Variants in IGSF9 observed in about 807,000 individuals in gnomAD.
IGSF9 encodes protein turtle homolog A.
In IGSF9, 87 loss-of-function variants were observed where a neutral mutation model predicts 121.7. The ratio of observed to expected loss-of-function variants is 0.71; its 90% CI spans 0.60 to 0.85. The LOEUF is 0.85. IGSF9 is among the 40% of genes least tolerant of loss of function. The probability of loss-of-function intolerance (pLI) is 0.00; values close to 1 mark genes in which losing one functional copy is unlikely to be tolerated. For synonymous variants in IGSF9, 640 were observed against 648.4 expected (o/e 0.99, Z 0.20); for missense variants, 1,462 against 1,565.3 (o/e 0.93, Z 1.11).
chr1:159,929,132 C>T (rs1023335249), intron 18 of IGSF9, 114 bp from the exon 19 acceptor site: 8 of 1,410,568 alleles, frequency 5.7e-6, no homozygotes, highest in African/African-American at 4.3e-5. Context: ...GAAGAACAAG[C>T]GAGGAAAGGA....
Position 159,930,330 on chromosome 1 carries a change from C to A in IGSF9, c.1923G>T (p.Leu641=). ...GGACCAGCTCTGGGGGATCCCAATG[C>A]AGGAGTACCCCCCGGGGTGTCCTCA... ...VAVRTPRGVL[L]HWDPPELVPK... The change falls in exon 15 of 21, where the codon CTG becomes CTT. Residue 641 remains leucine, a synonymous_variant. Transcript: ENST00000368094. 6.2e-7 allele frequency: 1 copy of A among 1,612,656 alleles called. No homozygotes were observed. The highest frequency in any genetic ancestry group is 8.5e-7 in the Non-Finnish European group (1 of 1,179,172).
rs1436536669 is a variant in IGSF9, at chr1:159,934,466, A to G, written c.920T>C (p.Leu307Pro). 6.2e-7 allele frequency: 1 copy of G among 1,604,046 alleles called. No homozygotes were observed. Among genetic ancestry groups the G allele is most frequent in the South Asian group, 1.1e-5 (1 of 89,576 alleles). The part of the protein sequence containing the change: ...GCYTCVPSNG[L>P]LHPPSASAYL... ...GGCAGAGGCTGAGGGTGGATGCAGG[A>G]GGCCATTGCTGGGCACACAGGTGTA... The change falls in exon 8 of 21, where the codon CTC (leucine) becomes CCC (proline). Residue 307 changes from leucine to proline, a missense_variant. By Grantham distance (98) the Leu-to-Pro change is moderately conservative (BLOSUM62 -3). Transcript: ENST00000368094.
intron 13 of IGSF9, 63 bp from the exon 14 acceptor site, chr1:159,930,930 C>G (rs1327831173): frequency 4.7e-6 from 7 of 1,496,424 alleles, no homozygotes; most frequent in Non-Finnish European, 6.3e-6. Context: ...ATCTGGGGTC[C>G]AGAGATCTAA....
intron 3 of IGSF9, among the ~76,000 whole-genome samples, 199 bp from the exon 4 acceptor site, chr1:159,938,037 C>A (rs984741244): frequency 3.9e-5 from 6 of 152,148 alleles, no homozygotes; most frequent in African/African-American, 1.4e-4. Flanking sequence ...ACCACTCTTG[C>A]CATTCGACAG....
In IGSF9 at chr1:159,932,832, A is replaced by AC; in HGVS notation, c.1105-181dup. The AC allele has an allele frequency of 1.7e-6, 1 of 604,112 alleles. No homozygotes were observed. The highest frequency in any genetic ancestry group is 2.2e-5 in the South Asian group (1 of 46,430). The allele number at this position is 604,112 out of a possible 1,614,324, so 37.4% of individuals were successfully genotyped here. ...TGCTTCCTTTCCTTCCTGCAGAGGG[A>AC]CCCCTCCCAATAGTGTGAGGCTGTG... On this transcript the variant is annotated intron_variant, in intron 9 of 20. Transcript: ENST00000368094. This position sits in a 1 kb window ranked among gnomAD's most constrained non-coding sequence, Gnocchi z 4.1.
intron 4 of IGSF9, among the ~76,000 whole-genome samples, chr1:159,937,429 G>C (rs925602983): frequency 6.6e-6 from 1 of 152,096 alleles, no homozygotes; most frequent in African/African-American, 2.4e-5. Flanking sequence ...CAGGAGGGAA[G>C]AGAAAGAGGG....
At chr1:159,935,259 T>C (rs1455676972) in intron 6 of IGSF9, among the ~76,000 whole-genome samples, 1 of 152,178 alleles carries the variant, frequency 6.6e-6, no homozygotes, top group Non-Finnish European at 1.5e-5. Context: ...CTAATGGCCA[T>C]TCATACAGAA....
chr1:159,934,142 A>G, intron 9 of IGSF9, 48 bp downstream of exon 9: 1 of 1,576,036 alleles, frequency 6.3e-7, no homozygotes, highest in Non-Finnish European at 8.6e-7. Flanking sequence ...TGTCCTGAGC[A>G]GAATAACGCC....
chr1:159,932,419 T>TGGGG lies in IGSF9; in HGVS notation c.1245+92_1245+93insCCCC. 9.8e-7 allele frequency: 1 copy of TGGGG among 1,017,722 alleles called. No homozygotes were observed. The highest frequency in any genetic ancestry group is 1.5e-6 in the Non-Finnish European group (1 of 687,020). 63.0% of individuals were successfully genotyped at this position (1,017,722 alleles called of 1,614,324 possible). A position where few individuals can be genotyped will look rare whatever the true frequency, so the allele number is the denominator to read the frequency against. ...ACTTGGAAACCCCTCCCCATGTGTC[T>TGGGG]GCCCCACCCCACCCCCATCAGCCTG... On this transcript the variant is annotated intron_variant, in intron 10 of 20. Transcript: ENST00000368094. The surrounding 1 kb of genome is among the most constrained non-coding windows in gnomAD (Gnocchi z 4.1).
At chr1:159,934,613 G>T (rs1376868862) in intron 7 of IGSF9, 43 bp from the exon 8 acceptor site, 3 of 1,613,124 alleles carry the variant, frequency 1.9e-6, no homozygotes, top group Non-Finnish European at 2.5e-6. Context: ...GCCTTGCCCA[G>T]CCAAGCGGCT....
Position 159,934,229 on chromosome 1 carries a change from G to A in IGSF9, c.1065C>T (p.Val355=). 1.2e-6 allele frequency: 2 copies of A among 1,614,024 alleles called. No individual in the cohort carries two copies. ...GGGCCTTTCCATCCTTGGTCCAGCTGACAAAGAGCAGTGGGGGGTTGGCAC... is the reference window on the plus strand; with the variant it reads ...GGGCCTTTCCATCCTTGGTCCAGCTAACAAAGAGCAGTGGGGGGTTGGCAC... The part of the protein sequence containing the change: ...PVRANPPLLF[V]SWTKDGKALQ... The change falls in exon 9 of 21, where the codon GTC becomes GTT. Residue 355 remains valine, a synonymous_variant. Coordinates refer to ENST00000368094, the MANE Select transcript of IGSF9 (RefSeq NM_001135050.2).
In IGSF9 at chr1:159,929,653, T is replaced by TGC. The variant is rs1553226414; in HGVS notation, c.2309_2310dup (p.Lys771AlafsTer35). On this transcript the variant is annotated frameshift_variant, in exon 17 of 21. Transcript: ENST00000368094. LOFTEE classifies it high-confidence loss of function. ...AGGGACTTACCTTGGCGGAGGCGCTTGCGGCGGCGGCGGGCAGCCCTGCGC... is the reference window on the plus strand; with the variant it reads ...AGGGACTTACCTTGGCGGAGGCGCTTGCGCGGCGGCGGCGGGCAGCCCTGCGC... 6 of 1,594,436 alleles carry TGC rather than the reference T, an allele frequency of 3.8e-6. No individual in the cohort carries two copies. The highest frequency in any genetic ancestry group is 3.6e-5 in the Admixed American group (2 of 56,278).
Position 159,942,861 on chromosome 1 carries a change from C to G in IGSF9, c.247+102G>C. 3 of 897,658 alleles carry G rather than the reference C, an allele frequency of 3.3e-6. No homozygotes were observed. In the South Asian group the frequency reaches 4.7e-5, roughly 14 times the overall value. 55.6% of individuals were successfully genotyped at this position (897,658 alleles called of 1,614,324 possible). A position where few individuals can be genotyped will look rare whatever the true frequency, so the allele number is the denominator to read the frequency against. On this transcript the variant is annotated intron_variant, in intron 3 of 20. Transcript: ENST00000368094. ...AAGGCAGCAGAGCTGGAGATGAGAT[C>G]AGAGCAGGGACAAAGCCGTTCATAG...
chr1:159,928,081 G>A, intron 19 of IGSF9, 77 bp downstream of exon 19: 1 of 1,537,112 alleles, frequency 6.5e-7, no homozygotes. Context: ...CAGAGAAGGT[G>A]CAGGGTATTG....
In IGSF9 at chr1:159,932,486, A is replaced by G. The variant is rs1484743815; in HGVS notation, c.1245+26T>C. On this transcript the variant is annotated intron_variant, in intron 10 of 20. Coordinates refer to ENST00000368094, the MANE Select transcript of IGSF9 (RefSeq NM_001135050.2). This position sits in a 1 kb window ranked among gnomAD's most constrained non-coding sequence, Gnocchi z 4.1. ...CAGCCATCTGACCCACTGTCACCAC[A>G]GGCCCCCGCCCACCCCCGGCCTAAC... 1 of 1,562,636 alleles carries G rather than the reference A, an allele frequency of 6.4e-7. No homozygotes were observed. The highest frequency in any genetic ancestry group is 2.5e-5 in the East Asian group (1 of 40,618).
intron 9 of IGSF9, 26 bp downstream of exon 9, chr1:159,934,164 C>T: frequency 6.3e-7 from 1 of 1,598,944 alleles, no homozygotes; most frequent in Non-Finnish European, 8.5e-7. Context: ...AGCTAAGACC[C>T]TCCTTCCCCT....
At chr1:159,943,281 A>G (rs966393861) in intron 2 of IGSF9, 116 bp downstream of exon 2, 2 of 1,340,050 alleles carry the variant, frequency 1.5e-6, no homozygotes, top group African/African-American at 3.0e-5. Context: ...CAGCTTCTCC[A>G]GAACCAGCCC....
In IGSF9 at chr1:159,928,794, C is replaced by T. The variant is rs781183381; in HGVS notation, c.2594G>A (p.Arg865Lys). 4.0e-5 allele frequency: 59 copies of T among 1,487,188 alleles called. No individual in the cohort carries two copies. The Middle Eastern group carries it at 7.1e-4, about 18-fold the overall frequency. 92.1% of individuals were successfully genotyped at this position (1,487,188 alleles called of 1,614,324 possible). The change falls in exon 19 of 21, where the codon AGG becomes AAG. Residue 865 changes from arginine to lysine, a missense_variant. By Grantham distance (26) the Arg-to-Lys change is conservative (BLOSUM62 2). Around this residue, in one of 3 missense-constraint regions of IGSF9, gnomAD observed 808 missense variants for 815.2 expected, o/e 0.99. Transcript: ENST00000368094. Reference sequence around the variant, plus strand: ...AGGTTCTGCCTGCTCCCGGCCTGACCTTTCCTGGGGGGCCGCCACAGTGGG... The same window carrying T: ...AGGTTCTGCCTGCTCCCGGCCTGACTTTTCCTGGGGGGCCGCCACAGTGGG... Reference protein sequence around the residue: ...MGPTVAAPQERSGREQAEPRT... With the variant: ...MGPTVAAPQEKSGREQAEPRT...
rs1164429873 is a variant in IGSF9 at position 159,930,877 on chromosome 1, A to C, written c.1638-10T>G. ...GTCAGGACGCTTGGCCCTGGGAGAC[A>C]TGAGGACATGGGGGGCACCTCGTGA... On this transcript the variant is annotated splice_polypyrimidine_tract_variant and intron_variant, in intron 13 of 20. Transcript: ENST00000368094. 6.3e-7 allele frequency: 1 copy of C among 1,593,762 alleles called. No individual in the cohort carries two copies.
Sources: gnomAD v4.1 joint callset for allele counts (sites outside exome capture counted in the v4.1 genomes callset) on GRCh38, gnomAD v4.1.1 for gene constraint, gnomAD v4.1.1 regional missense constraint, Gnocchi (gnomAD v3.1) non-coding constraint, MANE v1.5 for transcripts, NCBI Gene and HGNC (gene_info 2026-07-23, HGNC 2026-07-21) for gene names.